GOLGA8A: variants seen among roughly 807,000 people sequenced by gnomAD.
GOLGA8A encodes golgin subfamily A member 8A.
In GOLGA8A, 3 loss-of-function variants were observed where a neutral mutation model predicts 22.1. The ratio of observed to expected loss-of-function variants is 0.14; its 90% CI spans 0.06 to 0.35. The LOEUF (loss-of-function observed/expected upper bound fraction) is 0.35, where lower values mean the gene tolerates loss of function less well. GOLGA8A is among the 10% of genes least tolerant of loss of function. The pLI is 1.00. For missense variants in GOLGA8A, 16 were observed against 233.2 expected (o/e 0.07, Z 6.07); for synonymous variants, 7 against 91.7 (o/e 0.08, Z 5.28).
intron 2 of GOLGA8A, chr15:34,418,616 G>C (rs951778563): frequency 1.4e-5 from 2 of 146,826 alleles, no homozygotes; most frequent in African/African-American, 2.5e-5. Context: ...GTCATGCCAC[G>C]GAGTCTGGAC....
intron 2 of GOLGA8A, among the ~76,000 whole-genome samples, chr15:34,427,330 CAAAAAA>C (rs67775520): frequency 2.5e-5 from 2 of 78,850 alleles, no homozygotes; most frequent in East Asian, 3.2e-4. Flanking sequence ...GACTCCGTCA[CAAAAAA>C]AAAAAAAAAA....
At chr15:34,430,883 G>C (rs1318608979) in intron 2 of GOLGA8A, among the ~76,000 whole-genome samples, 2 of 149,554 alleles carry the variant, frequency 1.3e-5, no homozygotes, top group Non-Finnish European at 3.0e-5. Context: ...GCTTCCCAGA[G>C]CTTCCAGTTC....
chr15:34,381,870 T>TG lies in GOLGA8A; in HGVS notation c.1454-15dup. The TG allele has an allele frequency of 1.8e-6, 1 of 557,206 alleles. No individual in the cohort carries two copies. The highest frequency in any genetic ancestry group is 3.0e-6 in the Non-Finnish European group (1 of 335,374). 34.5% of individuals were successfully genotyped at this position (557,206 alleles called of 1,614,324 possible). A position where few individuals can be genotyped will look rare whatever the true frequency, so the allele number is the denominator to read the frequency against. On this transcript the variant is annotated splice_polypyrimidine_tract_variant and intron_variant, in intron 23 of 24. Coordinates refer to ENST00000359187, the MANE Select transcript of GOLGA8A (RefSeq NM_181077.5). Reference sequence around the variant, plus strand: ...CAGCAGCTTCACCTGAAGGGACGGGTGCTCAGCTGTCAGGCCGCTGCTGGC... The same window carrying TG: ...CAGCAGCTTCACCTGAAGGGACGGGTGGCTCAGCTGTCAGGCCGCTGCTGGC...
chr15:34,435,099 A>G (rs553975216), intron 2 of GOLGA8A, among the ~76,000 whole-genome samples: 1 of 149,340 alleles, frequency 6.7e-6, no homozygotes, highest in Non-Finnish European at 1.5e-5. Context: ...GCCCTCACCT[A>G]TTAAGTCACC....
chr15:34,426,926 A>T lies in GOLGA8A; in HGVS notation c.-1123+8457T>A, dbSNP rs1893007626. Among the ~76,000 whole-genome samples, 2 of 144,704 alleles carry T rather than the reference A, an allele frequency of 1.4e-5. 1 individual carries two copies. Among genetic ancestry groups the T allele is most frequent in the Non-Finnish European group, 3.0e-5 (2 of 65,690 alleles). The allele number at this position is 144,704 out of a possible 152,430, so 94.9% of individuals were successfully genotyped here. ...CAGATGGCAGATCTATTTAATGATTAGCTCTGGTGGGGAGCACTGCCCCTC... is the reference window on the plus strand; with the variant it reads ...CAGATGGCAGATCTATTTAATGATTTGCTCTGGTGGGGAGCACTGCCCCTC... On this transcript the variant is annotated intron_variant, in intron 2 of 24. Coordinates refer to ENST00000359187, the MANE Select transcript of GOLGA8A (RefSeq NM_181077.5).
rs149038661 is a variant in GOLGA8A at position 34,427,424 on chromosome 15, G to C, written c.-1123+7959C>G. Among the ~76,000 whole-genome samples the C allele has an allele frequency of 6.9e-3, 1,028 of 148,012 alleles. 70 individuals are homozygous for C. The highest frequency in any genetic ancestry group is 0.023 in the African/African-American group (930 of 39,974). ...TCGAGTCCGTTTTTTCTGAAAACTTGCTTTAAAGTCCAATTGTGGGGATTT... is the reference window on the plus strand; with the variant it reads ...TCGAGTCCGTTTTTTCTGAAAACTTCCTTTAAAGTCCAATTGTGGGGATTT... On this transcript the variant is annotated intron_variant, in intron 2 of 24. Transcript: ENST00000359187.
At position 34,436,570 on chromosome 15, in the gene GOLGA8A, T is replaced by C. The variant is rs1346203654; in HGVS notation, c.-1212+828A>G. ...AAGGCTCTGCTCTCCACTGGGGTGCTGCAGGACAGGCCCCTCCGCGGGCGT... is the reference window on the plus strand; with the variant it reads ...AAGGCTCTGCTCTCCACTGGGGTGCCGCAGGACAGGCCCCTCCGCGGGCGT... On this transcript the variant is annotated intron_variant, in intron 1 of 24. Coordinates refer to ENST00000359187, the MANE Select transcript of GOLGA8A (RefSeq NM_181077.5). 1.3e-5 allele frequency among the ~76,000 whole-genome samples: 2 copies of C among 150,164 alleles called. 1 individual carries two copies. The highest frequency in any genetic ancestry group is 3.0e-5 in the Non-Finnish European group (2 of 67,354).
chr15:34,423,259 C>T (rs537434576), intron 2 of GOLGA8A, among the ~76,000 whole-genome samples: 22 of 126,610 alleles, frequency 1.7e-4, no homozygotes, highest in African/African-American at 5.2e-4. Context: ...GGCCACATCA[C>T]GCCACCCTGC....
At chr15:34,432,408 C>T (rs1166361453) in intron 2 of GOLGA8A, among the ~76,000 whole-genome samples, 1 of 148,896 alleles carries the variant, frequency 6.7e-6, no homozygotes, top group Non-Finnish European at 1.5e-5. Context: ...ACACTCTCTC[C>T]AGCTCAGACT....
rs879602610 is a variant in GOLGA8A, at chr15:34,379,829, T to C, written c.*1582A>G. ...AGTTATGATTTAGGCAATGTATGAT[T>C]GAAATGCATTCATTCATCATGCATA... is the stretch of plus-strand genomic sequence containing the variant. On this transcript the variant is annotated 3_prime_UTR_variant, in exon 25 of 25. Transcript: ENST00000359187. 3 of 152,704 alleles carry C rather than the reference T, an allele frequency of 2.0e-5. No homozygotes were observed. Among genetic ancestry groups the C allele is most frequent in the Non-Finnish European group, 4.4e-5 (3 of 68,058 alleles). The allele number at this position is 152,704 out of a possible 1,614,324, so 9.5% of individuals were successfully genotyped here. A position where few individuals can be genotyped will look rare whatever the true frequency, so the allele number is the denominator to read the frequency against.
In GOLGA8A at chr15:34,381,054, G is replaced by C; in HGVS notation, c.*357C>G. Reference sequence around the variant, plus strand: ...GGACATCCATGCTGCAATAACATTAGAAAAGCACGGGAGCCTATTCCAAAC... The same window carrying C: ...GGACATCCATGCTGCAATAACATTACAAAAGCACGGGAGCCTATTCCAAAC... On this transcript the variant is annotated 3_prime_UTR_variant, in exon 25 of 25. Transcript: ENST00000359187. 2 of 370,804 alleles carry C rather than the reference G, an allele frequency of 5.4e-6. No homozygotes were observed. Among genetic ancestry groups the C allele is most frequent in the Non-Finnish European group, 1.0e-5 (2 of 194,756 alleles). The allele number at this position is 370,804 out of a possible 1,614,324, so 23.0% of individuals were successfully genotyped here. A position where few individuals can be genotyped will look rare whatever the true frequency, so the allele number is the denominator to read the frequency against.
At chr15:34,418,955 A>G (rs1595658872) in intron 2 of GOLGA8A, 1 of 131,224 alleles carries the variant, frequency 7.6e-6, no homozygotes, top group African/African-American at 2.9e-5. Context: ...CCCAGGCTGG[A>G]GTGCAATGGT....
chr15:34,420,308 G>C (rs1210670330), intron 2 of GOLGA8A: 2 of 144,402 alleles, frequency 1.4e-5, no homozygotes, highest in Admixed American at 1.4e-4. Flanking sequence ...CTTCATCAGG[G>C]AGTGACAGGG....
At chr15:34,436,038 G>A (rs1893492696) in intron 1 of GOLGA8A, among the ~76,000 whole-genome samples, 1 of 148,968 alleles carries the variant, frequency 6.7e-6, no homozygotes. Flanking sequence ...TCAGCGCAGA[G>A]TGCAGGGCAT....
intron 1 of GOLGA8A, among the ~76,000 whole-genome samples, chr15:34,436,782 G>C (rs971293642): frequency 4.0e-5 from 6 of 149,842 alleles, no homozygotes; most frequent in African/African-American, 1.5e-4. Flanking sequence ...CGTGGAGAAG[G>C]GGCCCTGCAG....
chr15:34,430,190 G>A (rs1470070732), intron 2 of GOLGA8A, among the ~76,000 whole-genome samples: 1 of 149,170 alleles, frequency 6.7e-6, no homozygotes, highest in African/African-American at 2.5e-5. Context: ...GAAAGCTCAA[G>A]GGAAAGACAC....
At chr15:34,427,089 T>G (rs1022069477) in intron 2 of GOLGA8A, among the ~76,000 whole-genome samples, 1 of 147,088 alleles carries the variant, frequency 6.8e-6, no homozygotes, top group Non-Finnish European at 1.5e-5. Context: ...TTGCAGCACT[T>G]TGGGAGGCTG....
rs550058051 is a variant in GOLGA8A at position 34,434,970 on chromosome 15, G to A, written c.-1123+413C>T. Among the ~76,000 whole-genome samples, 5 of 149,494 alleles carry A rather than the reference G, an allele frequency of 3.3e-5. 1 individual carries two copies. The highest frequency in any genetic ancestry group is 1.3e-4 in the Admixed American group (2 of 14,876). Reference sequence around the variant, plus strand: ...CAAGGCAGGGCATGTGATCTCTGCCGAAGACATTCAAGCCACCCAGTGATG... The same window carrying A: ...CAAGGCAGGGCATGTGATCTCTGCCAAAGACATTCAAGCCACCCAGTGATG... On this transcript the variant is annotated intron_variant, in intron 2 of 24. Coordinates refer to ENST00000359187, the MANE Select transcript of GOLGA8A (RefSeq NM_181077.5).
intron 1 of GOLGA8A, among the ~76,000 whole-genome samples, chr15:34,437,056 G>C (rs1893557190): frequency 6.7e-6 from 1 of 148,718 alleles, no homozygotes; most frequent in South Asian, 2.2e-4. Context: ...GACGCGAGCG[G>C]GCGGCCCCGC....
Sources: allele counts gnomAD v4.1 joint callset (sites outside exome capture counted in the v4.1 genomes callset), GRCh38; gene constraint gnomAD v4.1.1; transcripts MANE v1.5; gene names NCBI Gene and HGNC (gene_info 2026-07-23, HGNC 2026-07-21).